Variants in DNAJC10 observed in about 807,000 individuals in gnomAD.
DNAJC10 encodes the protein endoplasmic reticulum disulfide reductase DNAJC10.
Under a neutral mutation model 115.0 loss-of-function variants are expected in DNAJC10, and 101 were observed. That is an observed-to-expected ratio of 0.88 (90% CI 0.75 to 1.04). The LOEUF (loss-of-function observed/expected upper bound fraction) is 1.04, where lower values mean the gene tolerates loss of function less well. Among genes scored for constraint, DNAJC10 ranks in the 50% least tolerant of loss-of-function variants. DNAJC10 has a pLI of 0.00. For missense variants in DNAJC10, 981 were observed against 928.8 expected (o/e 1.06, Z -0.73); for synonymous variants, 307 against 301.5 (o/e 1.02, Z -0.19).
intron 10 of DNAJC10, among the ~76,000 whole-genome samples, chr2:182,733,422 A>G (rs1693501570): frequency 6.6e-6 from 1 of 151,784 alleles, no homozygotes; most frequent in African/African-American, 2.4e-5. Flanking sequence ...TCACCTGAGG[A>G]GCTTTTAAAA....
intron 10 of DNAJC10, among the ~76,000 whole-genome samples, chr2:182,735,982 T>C (rs1693574322): frequency 6.6e-6 from 1 of 152,132 alleles, no homozygotes; most frequent in African/African-American, 2.4e-5. Context: ...TGTGGATTCG[T>C]AGAAAGAATT....
chr2:182,752,021 G>A (rs3115425), intron 15 of DNAJC10, 51 bp from the exon 16 acceptor site: 2 of 1,393,030 alleles, frequency 1.4e-6, no homozygotes, highest in South Asian at 1.2e-5. Context: ...ATGATGGGGG[G>A]GTTTTTTGTG....
At chr2:182,761,738 A>G (rs1213267431) in intron 21 of DNAJC10, among the ~76,000 whole-genome samples, 4 of 152,106 alleles carry the variant, frequency 2.6e-5, no homozygotes, top group South Asian at 2.1e-4. Flanking sequence ...AAGCAGGCCA[A>G]TGCGTGGTTA....
chr2:182,787,507 G>T lies in DNAJC10; in HGVS notation c.*10375G>T, dbSNP rs1045797623. ...CCAAAGCCACAGACTTTAAGTCTTT[G>T]CAGGATTACCACTGAAAGTTCACAT... On this transcript the variant is annotated 3_prime_UTR_variant, in exon 24 of 24. Coordinates refer to ENST00000264065, the MANE Select transcript of DNAJC10 (RefSeq NM_018981.4). 6.6e-6 allele frequency: 1 copy of T among 152,310 alleles called. No homozygotes were observed. Among genetic ancestry groups the T allele is most frequent in the African/African-American group, 2.4e-5 (1 of 41,574 alleles). 9.4% of individuals were successfully genotyped at this position (152,310 alleles called of 1,614,324 possible).
At chr2:182,720,983 C>T (rs901736751) in intron 4 of DNAJC10, among the ~76,000 whole-genome samples, 9 of 151,294 alleles carry the variant, frequency 5.9e-5, no homozygotes, top group East Asian at 5.8e-4. Flanking sequence ...ATGAGAAGGA[C>T]GAAAGGTGTT....
chr2:182,738,765 C>T (rs288257), intron 11 of DNAJC10, among the ~76,000 whole-genome samples: 97,638 of 151,914 alleles, frequency 0.64, 31,698 homozygotes, highest in Middle Eastern at 0.73. Context: ...TGGTCTCGAT[C>T]TCCTGACCTT....
At chr2:182,764,466 G>A (rs1694361913) in intron 22 of DNAJC10, among the ~76,000 whole-genome samples, 2 of 152,028 alleles carry the variant, frequency 1.3e-5, no homozygotes, top group Admixed American at 6.6e-5. Flanking sequence ...GGTGCAGGGT[G>A]GAATCCTCTT....
intron 14 of DNAJC10, among the ~76,000 whole-genome samples, chr2:182,747,949 A>G (rs1693912868): frequency 6.6e-6 from 1 of 151,484 alleles, no homozygotes; most frequent in Non-Finnish European, 1.5e-5. Flanking sequence ...AGGGTTGTTG[A>G]ATTTTGTCAA....
intron 4 of DNAJC10, among the ~76,000 whole-genome samples, chr2:182,720,528 A>T (rs1574915056): frequency 1.3e-5 from 2 of 152,308 alleles, no homozygotes; most frequent in Admixed American, 1.3e-4. Context: ...CTATATTTAA[A>T]TACAAAGATA....
At chr2:182,726,787 A>G (rs1693295985) in intron 5 of DNAJC10, among the ~76,000 whole-genome samples, 2 of 152,188 alleles carry the variant, frequency 1.3e-5, no homozygotes, top group African/African-American at 2.4e-5. Flanking sequence ...TGGAGAGTGC[A>G]GCAGCAGGAT....
At chr2:182,722,892 A>G (rs1574916905) in intron 5 of DNAJC10, among the ~76,000 whole-genome samples, 1 of 152,152 alleles carries the variant, frequency 6.6e-6, no homozygotes, top group East Asian at 1.9e-4. Context: ...GTGAGCCATG[A>G]TGGCACCACA....
At chr2:182,774,339 C>T (rs1372449938) in intron 22 of DNAJC10, among the ~76,000 whole-genome samples, 5 of 152,204 alleles carry the variant, frequency 3.3e-5, no homozygotes, top group Admixed American at 3.3e-4. Flanking sequence ...TGTCCCTTCT[C>T]AGAGCTCAAA....
rs931280980 is a variant in DNAJC10, at chr2:182,782,008, A to G, written c.*4876A>G. 6 of 152,174 alleles carry G rather than the reference A, an allele frequency of 3.9e-5. No homozygotes were observed. Among genetic ancestry groups the G allele is most frequent in the Non-Finnish European group, 5.9e-5 (4 of 68,046 alleles). The allele number at this position is 152,174 out of a possible 1,614,324, so 9.4% of individuals were successfully genotyped here. A position where few individuals can be genotyped will look rare whatever the true frequency, so the allele number is the denominator to read the frequency against. On this transcript the variant is annotated 3_prime_UTR_variant, in exon 24 of 24. Transcript: ENST00000264065. Reference sequence around the variant, plus strand: ...TGCCATTGCTTTTGGTGTTCTAGTCATGAAGTCTTTGCCCATGCCTATGTC... The same window carrying G: ...TGCCATTGCTTTTGGTGTTCTAGTCGTGAAGTCTTTGCCCATGCCTATGTC...
intron 9 of DNAJC10, among the ~76,000 whole-genome samples, chr2:182,732,090 A>G (rs1693461868): frequency 6.6e-6 from 1 of 152,108 alleles, no homozygotes; most frequent in Non-Finnish European, 1.5e-5. Context: ...TGAAGGCACT[A>G]TTTAAAGATT....
intron 22 of DNAJC10, among the ~76,000 whole-genome samples, chr2:182,764,805 C>A (rs1694369284): frequency 6.6e-6 from 1 of 152,122 alleles, no homozygotes; most frequent in Non-Finnish European, 1.5e-5. Context: ...ATCTCCAAAT[C>A]TGGGTATGAG....
Position 182,751,785 on chromosome 2 carries a change from CG to C in DNAJC10, c.1434+1del. 6.2e-7 allele frequency: 1 copy of C among 1,611,202 alleles called. No individual in the cohort carries two copies. The highest frequency in any genetic ancestry group is 8.5e-7 in the Non-Finnish European group (1 of 1,179,436). ...CATGGCTTGTTGATTTCTTTGCCCC[CG>C]TAAGTTATTTTTATCTGTCAGATTC... On this transcript the variant is annotated splice_donor_variant, in intron 15 of 23. Transcript: ENST00000264065. LOFTEE classifies it high-confidence loss of function.
At chr2:182,762,456 C>T (rs72898732) in intron 21 of DNAJC10, among the ~76,000 whole-genome samples, 2,058 of 152,120 alleles carry the variant, frequency 0.014, 19 homozygotes, top group Middle Eastern at 0.037. Context: ...TAAAGCTGCT[C>T]AGTTTTCTTG....
intron 14 of DNAJC10, among the ~76,000 whole-genome samples, chr2:182,749,083 G>A (rs1453710020): frequency 1.3e-5 from 2 of 152,094 alleles, no homozygotes; most frequent in East Asian, 3.9e-4. Flanking sequence ...CAAGGGTGTG[G>A]CCAATTTTGG....
At position 182,782,621 on chromosome 2, in the gene DNAJC10, G is replaced by GAGGT. The variant is rs769449848; in HGVS notation, c.*5490_*5493dup. On this transcript the variant is annotated 3_prime_UTR_variant, in exon 24 of 24. Transcript: ENST00000264065. The stretch of plus-strand genomic sequence containing the variant: ...TGAGCAGTGGTTTGTAGTTCTTGAA[G>GAGGT]AGGTCCTTCACGTCCCTTGTAAGTT... The GAGGT allele has an allele frequency of 5.3e-5, 8 of 152,162 alleles. No individual in the cohort carries two copies. The highest frequency in any genetic ancestry group is 1.2e-4 in the Non-Finnish European group (8 of 68,036). The allele number at this position is 152,162 out of a possible 1,614,324, so 9.4% of individuals were successfully genotyped here.
Sources: gnomAD v4.1 joint callset for allele counts (sites outside exome capture counted in the v4.1 genomes callset) on GRCh38, gnomAD v4.1.1 for gene constraint, MANE v1.5 for transcripts, NCBI Gene and HGNC (gene_info 2026-07-23, HGNC 2026-07-21) for gene names.